PCGF3: variants seen among roughly 807,000 people sequenced by gnomAD.
PCGF3 encodes polycomb group ring finger 3, also known as polycomb group RING finger protein 3.
Under a neutral mutation model 33.1 loss-of-function variants are expected in PCGF3, and 7 were observed. The ratio of observed to expected loss-of-function variants is 0.21; its 90% CI spans 0.12 to 0.40. The LOEUF is 0.40. PCGF3 is among the 10% of genes least tolerant of loss of function. PCGF3 has a pLI of 1.00. For synonymous variants in PCGF3, 153 were observed against 121.3 expected (o/e 1.26, Z -1.72); for missense variants, 211 against 313.3 (o/e 0.67, Z 2.46).
At chr4:752,113 G>A (rs1317954633) in intron 8 of PCGF3, among the ~76,000 whole-genome samples, 1 of 152,270 alleles carries the variant, frequency 6.6e-6, no homozygotes, top group East Asian at 1.9e-4. Context: ...CCTCCTGGAA[G>A]ATGGTGCCCC....
exon 11 of PCGF3, chr4:766,144 T>A: frequency 7.4e-7 from 1 of 1,349,760 alleles, no homozygotes; most frequent in Non-Finnish European, 1.1e-6. Context: ...CCGCCGCGCT[T>A]AAGAACATTG....
At chr4:756,401 C>T (rs11733812) in intron 8 of PCGF3, among the ~76,000 whole-genome samples, 12,951 of 151,712 alleles carry the variant, frequency 0.085, 745 homozygotes, top group Non-Finnish European at 0.13. Context: ...TTATTACAGA[C>T]GGGGTTTCAC....
rs1157800664 is a variant in PCGF3 at position 720,513 on chromosome 4, C to G, written c.-189-10117C>G. The stretch of plus-strand genomic sequence containing the variant: ...GTGGGTAGGGCCTCCTGCCAGGGAG[C>G]CTTGTGCATGGCTGGGAGGACGGCA... On this transcript the variant is annotated intron_variant, in intron 1 of 10. Transcript: ENST00000362003. The surrounding 1 kb of genome is among the most constrained non-coding windows in gnomAD (Gnocchi z 5.6). Among the ~76,000 whole-genome samples the G allele has an allele frequency of 6.6e-6, 1 of 152,166 alleles. No individual in the cohort carries two copies.
chr4:765,959 C>T (rs1208681563), intron 10 of PCGF3, 73 bp from the exon 11 acceptor site: 9 of 1,375,956 alleles, frequency 6.5e-6, no homozygotes, highest in Non-Finnish European at 9.3e-6. Flanking sequence ...TCCTCAGCAC[C>T]CTTCCCGATG....
chr4:710,016 G>A lies in PCGF3; in HGVS notation c.-190+4046G>A, dbSNP rs868343390. ...GTTCAGGTTTGTTTGGCTCTGTACT[G>A]TCTGGTTCCCAGGCTTTTAGAGGTG... On this transcript the variant is annotated intron_variant, in intron 1 of 10. Coordinates refer to ENST00000362003, the Ensembl canonical transcript of PCGF3. Among the ~76,000 whole-genome samples the A allele has an allele frequency of 1.2e-4, 18 of 152,248 alleles. No individual in the cohort carries two copies. In the South Asian group the frequency reaches 1.9e-3, roughly 16 times the overall value.
At chr4:711,979 AG>A (rs777023900) in intron 1 of PCGF3, among the ~76,000 whole-genome samples, 9 of 146,408 alleles carry the variant, frequency 6.1e-5, no homozygotes, top group Non-Finnish European at 1.4e-4. Context: ...AAAAAAAAAA[AG>A]AAAAGAAAAT....
chr4:725,635 GCGC>G (rs1577405551), intron 1 of PCGF3, among the ~76,000 whole-genome samples: 1 of 151,780 alleles, frequency 6.6e-6, no homozygotes, highest in African/African-American at 2.4e-5. Flanking sequence ...TGTGGGCTCT[GCGC>G]TGTGGCTGTG....
intron 9 of PCGF3, among the ~76,000 whole-genome samples, chr4:764,016 C>T (rs539156836): frequency 5.3e-5 from 8 of 152,280 alleles, no homozygotes; most frequent in African/African-American, 1.9e-4. Flanking sequence ...AAGGCAGAAC[C>T]ATCCGGAGGC....
At chr4:727,725 G>T (rs1448956188) in intron 1 of PCGF3, among the ~76,000 whole-genome samples, 1 of 151,358 alleles carries the variant, frequency 6.6e-6, no homozygotes, top group Non-Finnish European at 1.5e-5. Context: ...TTATCTTTTT[G>T]TATATTGCTT....
At chr4:708,833 C>T (rs1742445261) in intron 1 of PCGF3, among the ~76,000 whole-genome samples, 1 of 152,126 alleles carries the variant, frequency 6.6e-6, no homozygotes, top group Admixed American at 6.5e-5. Context: ...ATTTTGGGGA[C>T]AGTTGGTCCA....
chr4:762,696 T>G (rs933098075), intron 9 of PCGF3: 14 of 152,268 alleles, frequency 9.2e-5, no homozygotes, highest in Admixed American at 6.5e-4. Context: ...GTGTGTGGTG[T>G]TCTGTGGCAG....
intron 8 of PCGF3, among the ~76,000 whole-genome samples, chr4:753,355 A>C (rs1450172781): frequency 2.7e-5 from 4 of 150,186 alleles, no homozygotes; most frequent in African/African-American, 9.8e-5. Flanking sequence ...CTAGAACTTA[A>C]TGTTTAAGAA....
intron 9 of PCGF3, 71 bp from the exon 10 acceptor site, chr4:764,913 A>G: frequency 2.0e-6 from 2 of 1,005,092 alleles, no homozygotes; most frequent in South Asian, 1.3e-5. Flanking sequence ...ATTTCATACC[A>G]GCATCAAGGT....
intron 3 of PCGF3, 23 bp from the exon 4 acceptor site, chr4:733,649 A>G (rs775517676): frequency 3.8e-6 from 6 of 1,587,118 alleles, no homozygotes; most frequent in South Asian, 3.4e-5. Context: ...TCAGGTGTTA[A>G]TTAATCGCGT....
chr4:738,255 G>A (rs1430195487), intron 6 of PCGF3, among the ~76,000 whole-genome samples: 1 of 152,230 alleles, frequency 6.6e-6, no homozygotes, highest in African/African-American at 2.4e-5. Context: ...TGCCAGATCC[G>A]TAGAAACCGT....
rs570967721 is a variant in PCGF3, at chr4:720,563, C to A, written c.-189-10067C>A. On this transcript the variant is annotated intron_variant, in intron 1 of 10. Coordinates refer to ENST00000362003, the Ensembl canonical transcript of PCGF3. The surrounding 1 kb of genome is among the most constrained non-coding windows in gnomAD (Gnocchi z 5.6). Reference sequence around the variant, plus strand: ...AAGGCTGATGTGGACGCAGCCCCGACGTGAACAGGACCCCACGTGGACGGG... The same window carrying A: ...AAGGCTGATGTGGACGCAGCCCCGAAGTGAACAGGACCCCACGTGGACGGG... Among the ~76,000 whole-genome samples, 1 of 151,966 alleles carries A rather than the reference C, an allele frequency of 6.6e-6. No homozygotes were observed. Among genetic ancestry groups the A allele is most frequent in the Admixed American group, 6.6e-5 (1 of 15,256 alleles).
chr4:767,235 CAGTT>C (rs113943795), exon 11 of PCGF3: 51 of 152,368 alleles, frequency 3.3e-4, no homozygotes, highest in African/African-American at 1.2e-3. Context: ...GTTTCAGCCT[CAGTT>C]GGTTGCACCG....
intron 8 of PCGF3, among the ~76,000 whole-genome samples, chr4:750,267 C>T (rs180955107): frequency 1.1e-3 from 174 of 152,222 alleles, no homozygotes; most frequent in Non-Finnish European, 1.5e-3. Context: ...ATTTGAGTAA[C>T]GTGGCCTTTT....
intron 1 of PCGF3, chr4:724,119 A>G (rs1307956670): frequency 6.6e-6 from 1 of 152,402 alleles, no homozygotes; most frequent in Non-Finnish European, 1.5e-5. Flanking sequence ...GCCCCGGCAG[A>G]AAGACTCAGG....
Sources: gnomAD v4.1 joint callset for allele counts (sites outside exome capture counted in the v4.1 genomes callset) on GRCh38, gnomAD v4.1.1 for gene constraint, Gnocchi (gnomAD v3.1) non-coding constraint, MANE v1.5 for transcripts, NCBI Gene and HGNC (gene_info 2026-07-23, HGNC 2026-07-21) for gene names.